The following LSAMP variants were observed in gnomAD, a reference collection of about 807,000 sequenced individuals.
LSAMP encodes the protein limbic system associated membrane protein.
In LSAMP, 7 loss-of-function variants were observed where a neutral mutation model predicts 38.6. That is an observed-to-expected ratio of 0.18 (90% confidence interval 0.10 to 0.34). The LOEUF (loss-of-function observed/expected upper bound fraction) is 0.34, where lower values mean the gene tolerates loss of function less well. Ranked by LOEUF, LSAMP falls within the 10% of genes least tolerant of loss-of-function variation. The probability of loss-of-function intolerance (pLI) is 1.00; values close to 1 mark genes in which losing one functional copy is unlikely to be tolerated. For synonymous variants in LSAMP, 154 were observed against 166.8 expected, an observed-to-expected ratio of 0.92 and a Z score of 0.59; for missense variants, 313 against 420.0, an observed-to-expected ratio of 0.75 and a Z score of 2.23.
chr3:116,229,524 T>C (rs545850902), intron 1 of LSAMP, among the ~76,000 whole-genome samples: 7 of 152,142 alleles, frequency 4.6e-5, no homozygotes, highest in African/African-American at 1.2e-4. Context: ...GGAACACTTA[T>C]AATTTGTGTT....
chr3:116,124,115 T>C (rs1221311983), intron 1 of LSAMP, among the ~76,000 whole-genome samples: 1 of 152,126 alleles, frequency 6.6e-6, no homozygotes, highest in African/African-American at 2.4e-5. Context: ...GAAAGAACAA[T>C]GGAATCACTC....
chr3:116,245,217 TG>T (rs2046589307), intron 1 of LSAMP, among the ~76,000 whole-genome samples: 1 of 152,154 alleles, frequency 6.6e-6, no homozygotes, highest in Non-Finnish European at 1.5e-5. Context: ...AGGGAGAAGA[TG>T]ACCACCTGCA....
At chr3:116,318,906 C>T (rs2047669688) in intron 1 of LSAMP, among the ~76,000 whole-genome samples, 1 of 152,124 alleles carries the variant, frequency 6.6e-6, no homozygotes, top group South Asian at 2.1e-4. Flanking sequence ...GGCTGACACT[C>T]TTTCCACAAG....
intron 6 of LSAMP, among the ~76,000 whole-genome samples, chr3:115,819,774 C>T (rs1169013609): frequency 6.6e-6 from 1 of 152,222 alleles, no homozygotes; most frequent in Non-Finnish European, 1.5e-5. Flanking sequence ...AATAAATCAA[C>T]TTCTTTGTGA....
At chr3:116,187,515 T>C (rs1710649169) in intron 1 of LSAMP, among the ~76,000 whole-genome samples, 1 of 152,176 alleles carries the variant, frequency 6.6e-6, no homozygotes, top group Non-Finnish European at 1.5e-5. Context: ...GATCTTTCTA[T>C]TACCTCAAAA....
chr3:116,280,331 CT>C (rs1283150204), intron 1 of LSAMP, among the ~76,000 whole-genome samples: 3 of 152,180 alleles, frequency 2.0e-5, no homozygotes, highest in Admixed American at 6.5e-5. Context: ...CACATGACCC[CT>C]GAGCAGACCT....
intron 1 of LSAMP, among the ~76,000 whole-genome samples, chr3:116,239,395 A>G (rs2046503377): frequency 7.0e-6 from 1 of 143,514 alleles, no homozygotes; most frequent in South Asian, 2.2e-4. Context: ...TATCCAGAAC[A>G]TATGTTTAAA....
chr3:115,935,354 G>A (rs1341444682), intron 3 of LSAMP, among the ~76,000 whole-genome samples: 4 of 152,080 alleles, frequency 2.6e-5, no homozygotes, highest in South Asian at 2.1e-4. Flanking sequence ...AGGTGTGGCC[G>A]GGTGGGGGGA....
chr3:116,004,428 A>G (rs1349475059), intron 3 of LSAMP, among the ~76,000 whole-genome samples: 1 of 151,416 alleles, frequency 6.6e-6, no homozygotes, highest in African/African-American at 2.4e-5. Context: ...ATACACATAT[A>G]CATATATACA....
chr3:116,176,337 G>A (rs947465327), intron 1 of LSAMP, among the ~76,000 whole-genome samples: 5 of 152,114 alleles, frequency 3.3e-5, no homozygotes, highest in Non-Finnish European at 7.4e-5. Flanking sequence ...GAAATTTTAA[G>A]TACAGTACTA....
intron 1 of LSAMP, among the ~76,000 whole-genome samples, chr3:116,197,849 A>G (rs1006871621): frequency 1.3e-4 from 20 of 152,212 alleles, no homozygotes; most frequent in African/African-American, 4.6e-4. Context: ...TTTATGGACA[A>G]CTTTATTATA....
At chr3:115,908,477 C>T (rs1269176171) in intron 3 of LSAMP, among the ~76,000 whole-genome samples, 2 of 152,198 alleles carry the variant, frequency 1.3e-5, no homozygotes, top group South Asian at 2.1e-4. Flanking sequence ...ACACAGGACC[C>T]TACCTTGGTA....
intron 1 of LSAMP, among the ~76,000 whole-genome samples, chr3:116,176,164 A>G (rs539978858): frequency 2.6e-5 from 4 of 152,272 alleles, no homozygotes; most frequent in Non-Finnish European, 5.9e-5. Flanking sequence ...GCAGAAATAT[A>G]ACTGGCAATT....
At chr3:116,393,467 C>T (rs1178764124) in intron 1 of LSAMP, among the ~76,000 whole-genome samples, 2 of 152,192 alleles carry the variant, frequency 1.3e-5, no homozygotes, top group East Asian at 3.9e-4. Context: ...GCCTGGACCC[C>T]ACGCTTGCTC....
Position 115,955,151 on chromosome 3 carries a change from G to A in LSAMP, c.514+64364C>T, listed in dbSNP as rs1046544129. ...GGGTTTCACTGTGTTAGCCAGGACG[G>A]TTTCGATCTCCTGACCTCGTGATCC... On this transcript the variant is annotated intron_variant, in intron 3 of 6. Transcript: ENST00000490035. 2.6e-5 allele frequency among the ~76,000 whole-genome samples: 4 copies of A among 152,152 alleles called. No individual in the cohort carries two copies. In the East Asian group the frequency reaches 7.7e-4, roughly 29 times the overall value.
At chr3:116,328,313 A>T (rs539158356) in intron 1 of LSAMP, among the ~76,000 whole-genome samples, 1 of 152,218 alleles carries the variant, frequency 6.6e-6, no homozygotes, top group Admixed American at 6.5e-5. Flanking sequence ...CCTGACACTG[A>T]TGATGGGAAA....
intron 1 of LSAMP, among the ~76,000 whole-genome samples, chr3:116,293,155 C>T (rs2047290514): frequency 6.6e-6 from 1 of 152,120 alleles, no homozygotes; most frequent in Non-Finnish European, 1.5e-5. Flanking sequence ...TCCAATGTTA[C>T]TGGTTCTGCT....
intron 1 of LSAMP, among the ~76,000 whole-genome samples, chr3:116,369,208 T>G (rs1042543030): frequency 6.6e-6 from 1 of 151,882 alleles, no homozygotes; most frequent in Non-Finnish European, 1.5e-5. Flanking sequence ...CAACAATAAA[T>G]AAGACAGAGC....
intron 3 of LSAMP, among the ~76,000 whole-genome samples, chr3:116,014,617 A>C (rs1274087818): frequency 6.6e-6 from 1 of 152,194 alleles, no homozygotes; most frequent in Non-Finnish European, 1.5e-5. Context: ...TGACTAGTAC[A>C]CATGCATATG....
Sources: allele counts gnomAD v4.1 joint callset (sites outside exome capture counted in the v4.1 genomes callset), GRCh38; gene constraint gnomAD v4.1.1; transcripts MANE v1.5; gene names NCBI Gene and HGNC (gene_info 2026-07-23, HGNC 2026-07-21).